WASF2: variants seen among roughly 807,000 people sequenced by gnomAD.
WASF2 encodes the protein actin-binding protein WASF2.
A neutral mutation model predicts 45.0 loss-of-function variants in WASF2; 14 were observed. The ratio of observed to expected loss-of-function variants is 0.31; its 90% CI spans 0.21 to 0.49. WASF2 has a LOEUF of 0.49. Among genes scored for constraint, WASF2 ranks in the 20% least tolerant of loss-of-function variants. The pLI, the probability that WASF2 is intolerant of heterozygous loss-of-function variation, is 0.99. For synonymous variants in WASF2, 200 were observed against 236.3 expected (o/e 0.85, Z 1.41); for missense variants, 439 against 636.1 (o/e 0.69, Z 3.33).
At chr1:27,488,799 C>G (rs545389367) in intron 1 of WASF2, among the ~76,000 whole-genome samples, 1 of 152,282 alleles carries the variant, frequency 6.6e-6, no homozygotes, top group African/African-American at 2.4e-5. Context: ...GCAGTGACTT[C>G]CCCCTTGCCC....
rs116171582 is a variant in WASF2 at position 27,475,774 on chromosome 1, C to T, written c.-44+14212G>A. 4.0e-3 allele frequency among the ~76,000 whole-genome samples: 611 copies of T among 152,248 alleles called. 2 individuals are homozygous for T. The highest frequency in any genetic ancestry group is 0.014 in the African/African-American group (592 of 41,542). ...TCCTGAGCAGCTGGTACTACAGGTG[C>T]ACACCATCACACCCAGCTAATTTTT... On this transcript the variant is annotated intron_variant, in intron 1 of 8. Transcript: ENST00000618852.
intron 1 of WASF2, among the ~76,000 whole-genome samples, chr1:27,450,850 C>G (rs2017375323): frequency 6.6e-6 from 1 of 151,866 alleles, no homozygotes; most frequent in African/African-American, 2.4e-5. Context: ...TCCCTCCCTT[C>G]TTCATTTCTT....
At chr1:27,489,705 C>G (rs2018002900) in intron 1 of WASF2, among the ~76,000 whole-genome samples, 1 of 152,196 alleles carries the variant, frequency 6.6e-6, no homozygotes, top group African/African-American at 2.4e-5. Flanking sequence ...GATCACACAG[C>G]GAGCTGATGG....
chr1:27,432,445 G>A lies in WASF2; in HGVS notation c.-43-3512C>T, dbSNP rs1017595569. On this transcript the variant is annotated intron_variant, in intron 1 of 8. Transcript: ENST00000618852. The stretch of plus-strand genomic sequence containing the variant: ...GGGCGGATCACGAGGTCAGGAGATC[G>A]AGACCATCCTGGCTAACATGGTGAA... Among the ~76,000 whole-genome samples, 19 of 151,850 alleles carry A rather than the reference G, an allele frequency of 1.3e-4. 1 individual carries two copies. Among genetic ancestry groups the A allele is most frequent in the African/African-American group, 4.6e-4 (19 of 41,462 alleles).
rs903307115 is a variant in WASF2 at position 27,448,277 on chromosome 1, G to A, written c.-43-19344C>T. ...ACATGGGGGCTTGACATTACTCTTT[G>A]AAGGTCATTTAAATCATCCTCCTTC... is the stretch of plus-strand genomic sequence containing the variant. On this transcript the variant is annotated intron_variant, in intron 1 of 8. Coordinates refer to ENST00000618852, the MANE Select transcript of WASF2 (RefSeq NM_006990.5). Among the ~76,000 whole-genome samples the A allele has an allele frequency of 1.2e-4, 19 of 152,288 alleles. No homozygotes were observed. The Middle Eastern group carries it at 0.014, about 109-fold the overall frequency.
intron 1 of WASF2, among the ~76,000 whole-genome samples, chr1:27,480,520 A>T (rs2017832274): frequency 6.6e-6 from 1 of 152,002 alleles, no homozygotes; most frequent in African/African-American, 2.4e-5. Flanking sequence ...CATCTAAAAA[A>T]AAAAGAAAAT....
At chr1:27,440,325 A>G (rs1411917358) in intron 1 of WASF2, among the ~76,000 whole-genome samples, 1 of 152,154 alleles carries the variant, frequency 6.6e-6, no homozygotes, top group Non-Finnish European at 1.5e-5. Flanking sequence ...CGCTTTTTAG[A>G]CCAGTCTAGG....
At chr1:27,486,262 T>C (rs1287295877) in intron 1 of WASF2, among the ~76,000 whole-genome samples, 1 of 152,178 alleles carries the variant, frequency 6.6e-6, no homozygotes, top group African/African-American at 2.4e-5. Flanking sequence ...TAACACATAG[T>C]ACCATATTTC....
rs894263789 is a variant in WASF2, at chr1:27,422,438, T to C, written c.131-3350A>G. On this transcript the variant is annotated intron_variant, in intron 2 of 8. Coordinates refer to ENST00000618852, the MANE Select transcript of WASF2 (RefSeq NM_006990.5). ...ATCACAACCATCCTGGCTAACACGG[T>C]GAAACTCCATCTCTACTAAAAATAC... Among the ~76,000 whole-genome samples, 10 of 151,566 alleles carry C rather than the reference T, an allele frequency of 6.6e-5. 1 individual carries two copies. The highest frequency in any genetic ancestry group is 1.5e-4 in the Non-Finnish European group (10 of 67,902).
At chr1:27,418,172 G>C in intron 4 of WASF2, 97 bp downstream of exon 4, 2 of 1,392,062 alleles carry the variant, frequency 1.4e-6, no homozygotes, top group Middle Eastern at 2.5e-4. Flanking sequence ...TAAGCTTTTA[G>C]ATACAATCCT....
At chr1:27,425,124 G>GC (rs1392942878) in intron 2 of WASF2, among the ~76,000 whole-genome samples, 1 of 151,984 alleles carries the variant, frequency 6.6e-6, no homozygotes, top group Non-Finnish European at 1.5e-5. Context: ...ACAAGGTCTC[G>GC]CCCTGTTGGC....
intron 3 of WASF2, 60 bp downstream of exon 3, chr1:27,418,894 A>G (rs1368761960): frequency 5.9e-6 from 9 of 1,536,430 alleles, no homozygotes; most frequent in Middle Eastern, 1.9e-4. Context: ...TAAATCAGGG[A>G]AAAAAAATTC....
At chr1:27,430,954 A>T (rs2017053969) in intron 1 of WASF2, among the ~76,000 whole-genome samples, 1 of 152,216 alleles carries the variant, frequency 6.6e-6, no homozygotes, top group Admixed American at 6.5e-5. Context: ...AGAGAAAAAA[A>T]AATCTTTCAG....
At chr1:27,446,931 T>C (rs1011013435) in intron 1 of WASF2, among the ~76,000 whole-genome samples, 1 of 152,212 alleles carries the variant, frequency 6.6e-6, no homozygotes, top group African/African-American at 2.4e-5. Flanking sequence ...CCCTGGAGTA[T>C]GCTGTTATAA....
At chr1:27,437,731 T>C (rs182838040) in intron 1 of WASF2, among the ~76,000 whole-genome samples, 29 of 152,336 alleles carry the variant, frequency 1.9e-4, no homozygotes, top group Non-Finnish European at 3.5e-4. Context: ...TGGATAAATA[T>C]AGATTATGAA....
intron 1 of WASF2, among the ~76,000 whole-genome samples, chr1:27,469,619 A>G (rs1330335060): frequency 6.6e-6 from 1 of 152,220 alleles, no homozygotes; most frequent in Non-Finnish European, 1.5e-5. Context: ...AGAAATCAGA[A>G]AAGTACCTAA....
At position 27,406,995 on chromosome 1, in the gene WASF2, A is replaced by G. The variant is rs1242457211; in HGVS notation, c.*1194T>C. On this transcript the variant is annotated 3_prime_UTR_variant, in exon 9 of 9. Transcript: ENST00000618852. Reference sequence around the variant, plus strand: ...TCTCACTACTTCTGGTCCCCCAGAGAGGCTGGTCCCAAGGCTATGTGGTTG... The same window carrying G: ...TCTCACTACTTCTGGTCCCCCAGAGGGGCTGGTCCCAAGGCTATGTGGTTG... 2 of 152,312 alleles carry G rather than the reference A, an allele frequency of 1.3e-5. No individual in the cohort carries two copies. Among genetic ancestry groups the G allele is most frequent in the African/African-American group, 4.8e-5 (2 of 41,472 alleles). The allele number at this position is 152,312 out of a possible 1,614,324, so 9.4% of individuals were successfully genotyped here. A position where few individuals can be genotyped will look rare whatever the true frequency, so the allele number is the denominator to read the frequency against.
chr1:27,452,730 A>C (rs1338592026), intron 1 of WASF2, among the ~76,000 whole-genome samples: 1 of 151,464 alleles, frequency 6.6e-6, no homozygotes, highest in African/African-American at 2.4e-5. Context: ...AGGCAGGAGA[A>C]TTGCTTGAAC....
At position 27,405,427 on chromosome 1, in the gene WASF2, T is replaced by C. The variant is rs2016654737; in HGVS notation, c.*2762A>G. 6.6e-6 allele frequency: 1 copy of C among 152,188 alleles called. No homozygotes were observed. Among genetic ancestry groups the C allele is most frequent in the South Asian group, 2.1e-4 (1 of 4,836 alleles). The allele number at this position is 152,188 out of a possible 1,614,324, so 9.4% of individuals were successfully genotyped here. ...GGGGTGAACCAGGAAGGGAGGAGGC[T>C]CCTTGGCTTCGGCGCTTAGGAGTCC... On this transcript the variant is annotated 3_prime_UTR_variant, in exon 9 of 9. Transcript: ENST00000618852.
Sources: gnomAD v4.1 joint callset for allele counts (sites outside exome capture counted in the v4.1 genomes callset) on GRCh38, gnomAD v4.1.1 for gene constraint, MANE v1.5 for transcripts, NCBI Gene and HGNC (gene_info 2026-07-23, HGNC 2026-07-21) for gene names.